The following RCBTB1 variants were observed in gnomAD, a reference collection of about 807,000 sequenced individuals.
The protein encoded by RCBTB1 is RCC1 and BTB domain containing protein 1, also known as RCC1 and BTB domain-containing protein 1.
Under a neutral mutation model 62.4 loss-of-function variants are expected in RCBTB1, and 46 were observed. The ratio of observed to expected loss-of-function variants is 0.74; its 90% CI spans 0.58 to 0.94. The LOEUF (loss-of-function observed/expected upper bound fraction) is 0.94. Among genes scored for constraint, RCBTB1 ranks in the 40% least tolerant of loss-of-function variants. The probability of loss-of-function intolerance (pLI) is 0.00; values close to 1 mark genes in which losing one functional copy is unlikely to be tolerated. For missense variants in RCBTB1, 565 were observed against 654.9 expected (o/e 0.86, Z 1.50); for synonymous variants, 222 against 245.8 (o/e 0.90, Z 0.91).
intron 6 of RCBTB1, among the ~76,000 whole-genome samples, chr13:49,554,301 T>C (rs546781687): frequency 6.6e-6 from 1 of 152,208 alleles, no homozygotes; most frequent in Non-Finnish European, 1.5e-5. Context: ...TTCACTTGTC[T>C]TCCTTTACTT....
chr13:49,581,753 G>C (rs1964114070), intron 1 of RCBTB1, among the ~76,000 whole-genome samples: 3 of 152,338 alleles, frequency 2.0e-5, no homozygotes, highest in Admixed American at 2.0e-4. Context: ...CTGGGGACTT[G>C]AGCATCACAG....
chr13:49,554,998 C>G (rs1196257189), intron 6 of RCBTB1, among the ~76,000 whole-genome samples: 5 of 152,212 alleles, frequency 3.3e-5, no homozygotes, highest in Non-Finnish European at 7.3e-5. Context: ...AAATAACCAT[C>G]AGCTCAAAAG....
At chr13:49,539,870 C>T (rs572425021) in intron 12 of RCBTB1, among the ~76,000 whole-genome samples, 78 of 152,278 alleles carry the variant, frequency 5.1e-4, no homozygotes, top group South Asian at 1.2e-3. Context: ...TTGAAAACAT[C>T]GTGGTCAACT....
intron 3 of RCBTB1, 57 bp downstream of exon 3, chr13:49,567,097 T>G: frequency 2.5e-6 from 4 of 1,569,386 alleles, no homozygotes; most frequent in Non-Finnish European, 3.5e-6. Context: ...CTGGACACTT[T>G]GAAGACCAAT....
At chr13:49,565,728 G>T (rs1317183918) in intron 4 of RCBTB1, among the ~76,000 whole-genome samples, 1 of 151,520 alleles carries the variant, frequency 6.6e-6, no homozygotes, top group Non-Finnish European at 1.5e-5. Flanking sequence ...GAAGTGAGGA[G>T]CCCCTCTGCC....
At chr13:49,554,257 T>C (rs905526101) in intron 6 of RCBTB1, among the ~76,000 whole-genome samples, 1 of 152,186 alleles carries the variant, frequency 6.6e-6, no homozygotes, top group African/African-American at 2.4e-5. Context: ...ATTAACAAGA[T>C]TGGGAAAAGG....
At chr13:49,537,794 T>TC (rs1960049961) in intron 12 of RCBTB1, 1 of 152,242 alleles carries the variant, frequency 6.6e-6, no homozygotes, top group Non-Finnish European at 1.5e-5. Flanking sequence ...TGCTCCTTTG[T>TC]GAAGTCCTTC....
At chr13:49,544,924 G>A in intron 9 of RCBTB1, 61 bp from the exon 10 acceptor site, 1 of 1,378,970 alleles carries the variant, frequency 7.3e-7, no homozygotes, top group Non-Finnish European at 9.9e-7. Context: ...AGATTCAAAA[G>A]ACTTCAAAAA....
chr13:49,551,363 G>A lies in RCBTB1; in HGVS notation c.817C>T (p.Leu273=), dbSNP rs1424165807. Residue 273 remains leucine, a synonymous_variant, in exon 8 of 13, where the codon CTG becomes TTG. Coordinates refer to ENST00000378302, the MANE Select transcript of RCBTB1 (RefSeq NM_018191.4). ...ACCATGATGTGTGCTGGGCTTAGCAGGTTATTTTTATTGCCAGTTCCCAGC... is the reference window on the plus strand; with the variant it reads ...ACCATGATGTGTGCTGGGCTTAGCAAGTTATTTTTATTGCCAGTTCCCAGC... ...GQLGTGNKNN[L]LSPAHIMVEK... 6.2e-7 allele frequency: 1 copy of A among 1,614,116 alleles called. No homozygotes were observed. The highest frequency in any genetic ancestry group is 8.5e-7 in the Non-Finnish European group (1 of 1,180,054).
chr13:49,576,719 AAGATAG>A (rs1335711382), intron 2 of RCBTB1, among the ~76,000 whole-genome samples: 2 of 152,164 alleles, frequency 1.3e-5, no homozygotes, highest in East Asian at 1.9e-4. Context: ...GTACCTCACT[AAGATAG>A]TAATTTTTTT....
chr13:49,562,718 T>G (rs1332219050), intron 4 of RCBTB1, among the ~76,000 whole-genome samples: 1 of 147,594 alleles, frequency 6.8e-6, no homozygotes, highest in African/African-American at 2.5e-5. Flanking sequence ...GCTCAACTGA[T>G]CCTCCTGCCT....
chr13:49,534,482 A>C (rs1163348025), intron 12 of RCBTB1, among the ~76,000 whole-genome samples: 1 of 152,126 alleles, frequency 6.6e-6, no homozygotes, highest in Non-Finnish European at 1.5e-5. Context: ...CCTCTAACTC[A>C]AAGTACGACT....
chr13:49,536,871 GAAGT>G (rs1959980224), intron 12 of RCBTB1, among the ~76,000 whole-genome samples: 1 of 152,196 alleles, frequency 6.6e-6, no homozygotes, highest in South Asian at 2.1e-4. Flanking sequence ...CTGCTCTTCT[GAAGT>G]AATTTATAAA....
intron 12 of RCBTB1, among the ~76,000 whole-genome samples, chr13:49,534,555 C>A (rs1158679093): frequency 6.6e-6 from 1 of 152,154 alleles, no homozygotes; most frequent in African/African-American, 2.4e-5. Flanking sequence ...GAAAGAATTT[C>A]CTGCACGATT....
chr13:49,571,781 C>T (rs183676050), intron 2 of RCBTB1, among the ~76,000 whole-genome samples: 1 of 152,198 alleles, frequency 6.6e-6, no homozygotes, highest in Non-Finnish European at 1.5e-5. Flanking sequence ...AAAATTACCA[C>T]CATCCTCATT....
At chr13:49,541,086 G>T in intron 11 of RCBTB1, 80 bp from the exon 12 acceptor site, 1 of 1,241,944 alleles carries the variant, frequency 8.1e-7, no homozygotes, top group Non-Finnish European at 1.1e-6. Context: ...GGTGAACAGA[G>T]GTGTACAGGT....
At chr13:49,546,537 T>A (rs1179165646) in intron 9 of RCBTB1, 1 of 158,654 alleles carries the variant, frequency 6.3e-6, no homozygotes, top group African/African-American at 2.4e-5. Flanking sequence ...CTGTAATATG[T>A]AATGAAATAA....
At chr13:49,565,439 C>T (rs892230053) in intron 4 of RCBTB1, among the ~76,000 whole-genome samples, 11 of 152,102 alleles carry the variant, frequency 7.2e-5, no homozygotes, top group South Asian at 4.2e-4. Flanking sequence ...GCCGCCACCC[C>T]GTCTGGGAAG....
chr13:49,539,078 C>CGGGCTGGTCTCG (rs1960154824), intron 12 of RCBTB1, among the ~76,000 whole-genome samples: 1 of 151,904 alleles, frequency 6.6e-6, no homozygotes, highest in African/African-American at 2.4e-5. Flanking sequence ...CCATGTTGGC[C>CGGGCTGGTCTCG]AGGCTGGTCT....
Sources: allele counts gnomAD v4.1 joint callset (sites outside exome capture counted in the v4.1 genomes callset), GRCh38; gene constraint gnomAD v4.1.1; transcripts MANE v1.5; gene names NCBI Gene and HGNC (gene_info 2026-07-23, HGNC 2026-07-21).